SDK1: variants seen among roughly 807,000 people sequenced by gnomAD.
The protein encoded by SDK1 is sidekick cell adhesion molecule 1.
A neutral mutation model predicts 245.5 loss-of-function variants in SDK1; 157 were observed. The ratio of observed to expected loss-of-function variants is 0.64; its 90% CI spans 0.56 to 0.73. The LOEUF (loss-of-function observed/expected upper bound fraction) is 0.73, where lower values mean the gene tolerates loss of function less well. Among genes scored for constraint, SDK1 ranks in the 30% least tolerant of loss-of-function variants. SDK1 has a pLI of 0.00. For missense variants in SDK1, 3,583 were observed against 3,002.3 expected (o/e 1.19, Z -4.52); for synonymous variants, 1,647 against 1,278.5 (o/e 1.29, Z -6.15).
intron 22 of SDK1, among the ~76,000 whole-genome samples, chr7:4,102,158 T>C (rs1228341098): frequency 1.3e-5 from 2 of 152,110 alleles, no homozygotes; most frequent in African/African-American, 4.8e-5. Context: ...TGCCGGCTTA[T>C]GAGGTGTGCA....
chr7:4,003,683 C>T (rs1785242776), intron 14 of SDK1, among the ~76,000 whole-genome samples: 2 of 152,358 alleles, frequency 1.3e-5, no homozygotes, highest in African/African-American at 4.8e-5. Context: ...ACTGCTGATG[C>T]TTGCTAGACC....
intron 1 of SDK1, among the ~76,000 whole-genome samples, chr7:3,458,470 G>GT (rs1780734809): frequency 6.6e-6 from 1 of 151,504 alleles, no homozygotes; most frequent in African/African-American, 2.4e-5. Context: ...CTTCAAATTT[G>GT]TTTCCCTCTT....
chr7:4,075,425 C>G (rs1444895969), intron 20 of SDK1, among the ~76,000 whole-genome samples: 2 of 152,058 alleles, frequency 1.3e-5, no homozygotes, highest in Non-Finnish European at 2.9e-5. Context: ...TTGCTTTCAT[C>G]AGAATGAGGA....
intron 35 of SDK1, among the ~76,000 whole-genome samples, chr7:4,191,379 G>A (rs578122386): frequency 3.3e-5 from 5 of 152,358 alleles, no homozygotes; most frequent in African/African-American, 9.6e-5. Flanking sequence ...CTCATCTGAC[G>A]TCCATCACTG....
chr7:4,085,987 C>A (rs1781404130), intron 22 of SDK1, among the ~76,000 whole-genome samples: 1 of 152,216 alleles, frequency 6.6e-6, no homozygotes. Flanking sequence ...TGTCTCCTTA[C>A]CCTGTTGCCT....
chr7:3,779,857 G>A (rs1021000306), intron 4 of SDK1, among the ~76,000 whole-genome samples: 19 of 151,454 alleles, frequency 1.3e-4, no homozygotes, highest in Non-Finnish European at 1.3e-4. Flanking sequence ...GCGTGAACCC[G>A]GGAAGCGGAG....
chr7:3,940,201 C>T (rs898736822), intron 5 of SDK1, among the ~76,000 whole-genome samples: 1 of 152,064 alleles, frequency 6.6e-6, no homozygotes, highest in African/African-American at 2.4e-5. Context: ...GGAGGATGGC[C>T]GGAGCCACCC....
In SDK1 at chr7:4,265,158, A is replaced by T; in HGVS notation, c.6416A>T (p.Lys2139Met). 6.2e-7 allele frequency: 1 copy of T among 1,612,542 alleles called. No individual in the cohort carries two copies. The highest frequency in any genetic ancestry group is 8.5e-7 in the Non-Finnish European group (1 of 1,179,646). The part of the protein sequence containing the change: ...TDSDYEDALP[K>M]HSFVNHYMSD... ...TCTGACTACGAGGACGCGCTGCCCA[A>T]GCACTCCTTCGTGAACCACTACATG... The change falls in exon 45 of 45, where the codon AAG becomes ATG. Residue 2139 changes from lysine to methionine, a missense_variant. Lys to Met is a moderately conservative substitution (Grantham distance 95). Coordinates refer to ENST00000404826, the MANE Select transcript of SDK1 (RefSeq NM_152744.4).
chr7:4,199,302 A>G (rs1293205986), intron 35 of SDK1, among the ~76,000 whole-genome samples: 1 of 152,168 alleles, frequency 6.6e-6, no homozygotes, highest in Non-Finnish European at 1.5e-5. Context: ...TGTACGGGCC[A>G]GGAAGCACAC....
chr7:4,227,253 TGCTGCTTGTCTTTCTCATAA>T (rs941868510), intron 40 of SDK1: 12 of 402,404 alleles, frequency 3.0e-5, no homozygotes, highest in Non-Finnish European at 4.1e-5. Context: ...TCCCCTCATG[TGCTGCTTGTCTTTCTCATAA>T]GCTGCTTGTC....
At chr7:4,067,703 C>T in intron 19 of SDK1, 135 bp from the exon 20 acceptor site, 1 of 607,940 alleles carries the variant, frequency 1.6e-6, no homozygotes, top group East Asian at 2.8e-5. Flanking sequence ...TTTCTGCATT[C>T]CACTGATGTC....
intron 1 of SDK1, among the ~76,000 whole-genome samples, chr7:3,430,082 C>G (rs1276197405): frequency 1.3e-5 from 2 of 152,196 alleles, no homozygotes; most frequent in African/African-American, 4.8e-5. Flanking sequence ...TTGAGGACAG[C>G]CCTTCTTTGC....
chr7:3,511,787 T>A (rs6462128), intron 1 of SDK1, among the ~76,000 whole-genome samples: 1 of 150,562 alleles, frequency 6.6e-6, no homozygotes. Flanking sequence ...GCCACTGTTT[T>A]TTTTGTTTTT....
chr7:4,218,640 G>A (rs917252932), intron 38 of SDK1, among the ~76,000 whole-genome samples: 1 of 152,112 alleles, frequency 6.6e-6, no homozygotes, highest in African/African-American at 2.4e-5. Flanking sequence ...AGCAGCGCAC[G>A]ACCCTCCCGC....
In SDK1 at chr7:3,954,514, AC is replaced by A. The variant is rs199616541; in HGVS notation, c.1150+2597del. Among the ~76,000 whole-genome samples, 8 of 6,688 alleles carry A rather than the reference AC, an allele frequency of 1.2e-3. 1 individual carries two copies. The highest frequency in any genetic ancestry group is 8.4e-3 in the African/African-American group (8 of 958). The allele number at this position is 6,688 out of a possible 152,430, so 4.4% of individuals were successfully genotyped here. ...CCCTCCCCTCCTGCTTCTCCTCTAC[AC>A]CCTCCTCTCCCCTCCCACCTCCCCT... On this transcript the variant is annotated intron_variant, in intron 7 of 44. Transcript: ENST00000404826.
At chr7:3,498,175 G>T (rs1299191932) in intron 1 of SDK1, among the ~76,000 whole-genome samples, 1 of 152,036 alleles carries the variant, frequency 6.6e-6, no homozygotes, top group South Asian at 2.1e-4. Flanking sequence ...TTTCTGTGTG[G>T]GGTTTTGGGG....
chr7:3,470,347 G>A (rs1379296284), intron 1 of SDK1, among the ~76,000 whole-genome samples: 1 of 150,966 alleles, frequency 6.6e-6, no homozygotes, highest in African/African-American at 2.5e-5. Context: ...GATAGTCAAG[G>A]TACTACCCTG....
At chr7:3,485,109 C>T (rs1347190723) in intron 1 of SDK1, among the ~76,000 whole-genome samples, 1 of 152,176 alleles carries the variant, frequency 6.6e-6, no homozygotes, top group Non-Finnish European at 1.5e-5. Context: ...TGCCAATTTA[C>T]ATTCTCACCA....
At chr7:4,068,333 A>G (rs1297974177) in intron 20 of SDK1, among the ~76,000 whole-genome samples, 1 of 152,194 alleles carries the variant, frequency 6.6e-6, no homozygotes, top group Non-Finnish European at 1.5e-5. Context: ...GAGGAAACTG[A>G]GGCCCCGAGA....
Sources: allele counts gnomAD v4.1 joint callset (sites outside exome capture counted in the v4.1 genomes callset), GRCh38; gene constraint gnomAD v4.1.1; transcripts MANE v1.5; gene names NCBI Gene and HGNC (gene_info 2026-07-23, HGNC 2026-07-21).